Variants in VCP observed in about 807,000 individuals in gnomAD.
VCP encodes transitional endoplasmic reticulum ATPase.
VCP carries 6 observed loss-of-function variants against 85.7 expected under a neutral mutation model. The ratio of observed to expected loss-of-function variants is 0.07; its 90% confidence interval spans 0.04 to 0.14. The LOEUF (loss-of-function observed/expected upper bound fraction) is 0.14. VCP is among the 10% of genes least tolerant of loss of function. The probability of loss-of-function intolerance (pLI) is 1.00; values close to 1 mark genes in which losing one functional copy is unlikely to be tolerated. For synonymous variants in VCP, 384 were observed against 367.1 expected (o/e 1.05, Z -0.53); for missense variants, 353 against 1,043.4 (o/e 0.34, Z 9.12).
intron 10 of VCP, 150 bp downstream of exon 10, chr9:35,061,427 C>T (rs577663447): frequency 1.1e-6 from 1 of 921,372 alleles, no homozygotes; most frequent in Non-Finnish European, 1.7e-6. Context: ...TGCCAACTCC[C>T]ATTTCCTGGA....
chr9:35,064,178 G>T lies in VCP; in HGVS notation c.684C>A (p.Ala228=). 6.2e-7 allele frequency: 1 copy of T among 1,614,142 alleles called. No homozygotes were observed. The highest frequency in any genetic ancestry group is 8.5e-7 in the Non-Finnish European group (1 of 1,180,044). The change falls in exon 6 of 17, where the codon GCC becomes GCA. Residue 228 remains alanine (A), a synonymous_variant. Transcript: ENST00000358901. The stretch of plus-strand genomic sequence containing the variant: ...CCTTCACACCAATTGCCTTAAAGAG[G>T]GCAGGATGTCTCAGGGGCAGTTCCA... The part of the protein sequence containing the change: ...EMVELPLRHP[A]LFKAIGVKPP...
intron 15 of VCP, chr9:35,057,867 A>G (rs968436947): frequency 5.0e-6 from 2 of 399,700 alleles, no homozygotes; most frequent in African/African-American, 4.1e-5. Context: ...CACTTGTCAT[A>G]AAGCATGGAA....
At position 35,061,646 on chromosome 9, in the gene VCP, T is replaced by C; in HGVS notation, c.1125A>G (p.Thr375=). 6.2e-7 allele frequency: 1 copy of C among 1,614,200 alleles called. No homozygotes were observed. The change falls in exon 10 of 17, where the codon ACA becomes ACG. Residue 375 remains threonine, a synonymous_variant. Transcript: ENST00000358901. ...GGATCTGAAGAATCTCTAAGCGTCCTGTAGCATCAGGAATTCCAATATCTA... is the reference window on the plus strand; with the variant it reads ...GGATCTGAAGAATCTCTAAGCGTCCCGTAGCATCAGGAATTCCAATATCTA... ...REVDIGIPDA[T]GRLEILQIHT...
chr9:35,067,447 G>A (rs1054502374), intron 3 of VCP, among the ~76,000 whole-genome samples: 4 of 152,008 alleles, frequency 2.6e-5, no homozygotes, highest in East Asian at 1.9e-4. Flanking sequence ...GGTTAACTTA[G>A]GGGCTTAAAA....
At chr9:35,072,064 C>A (rs1370959263) in intron 1 of VCP, 2 of 1,270,996 alleles carry the variant, frequency 1.6e-6, no homozygotes, top group African/African-American at 1.6e-5. Context: ...GGGAGCCAAT[C>A]GGGCGGGCCG....
chr9:35,061,275 G>A, intron 10 of VCP, 96 bp from the exon 11 acceptor site: 2 of 1,537,624 alleles, frequency 1.3e-6, no homozygotes, highest in South Asian at 1.1e-5. Flanking sequence ...TGCTATCCCT[G>A]GGTCCTCTCA....
intron 11 of VCP, 36 bp downstream of exon 11, chr9:35,060,979 G>GTT: frequency 1.9e-6 from 3 of 1,614,172 alleles, no homozygotes; most frequent in Non-Finnish European, 2.5e-6. Flanking sequence ...GTCAAAGCAC[G>GTT]TATGTGTGTA....
At chr9:35,071,896 C>T (rs1563983031) in intron 1 of VCP, 3 of 999,730 alleles carry the variant, frequency 3.0e-6, no homozygotes, top group Non-Finnish European at 3.6e-6. Flanking sequence ...CCCACCGGGC[C>T]CGGCTGGGGC....
chr9:35,066,619 G>A, intron 4 of VCP, 56 bp downstream of exon 4: 1 of 1,570,124 alleles, frequency 6.4e-7, no homozygotes, highest in Non-Finnish European at 8.7e-7. Flanking sequence ...AGATAAAGAT[G>A]TTCCAAGGTT....
intron 1 of VCP, chr9:35,071,689 C>G (rs1485954836): frequency 1.9e-5 from 19 of 984,258 alleles, no homozygotes; most frequent in Non-Finnish European, 2.3e-5. Context: ...AGACCAGAAG[C>G]GAAAGGTAGG....
chr9:35,068,496 C>G, intron 1 of VCP, 134 bp from the exon 2 acceptor site: 1 of 813,844 alleles, frequency 1.2e-6, no homozygotes, highest in Non-Finnish European at 2.1e-6. Flanking sequence ...GAAGGAAAGG[C>G]AGCCAAGGTC....
At chr9:35,071,680 G>A (rs949108793) in intron 1 of VCP, 2 of 981,724 alleles carry the variant, frequency 2.0e-6, no homozygotes, top group African/African-American at 3.5e-5. Flanking sequence ...AAAGTAAGAA[G>A]ACCAGAAGCG....
At chr9:35,071,293 GTTTTTTTTTT>G (rs869178164) in intron 1 of VCP, among the ~76,000 whole-genome samples, 45 of 69,114 alleles carry the variant, frequency 6.5e-4, no homozygotes, top group African/African-American at 2.2e-3. Context: ...GGCTGGCTGT[GTTTTTTTTTT>G]TTTTTTTTTT....
chr9:35,067,560 T>G (rs1046739745), intron 3 of VCP, among the ~76,000 whole-genome samples: 13 of 152,196 alleles, frequency 8.5e-5, no homozygotes, highest in African/African-American at 3.1e-4. Context: ...AGGAGATTAT[T>G]TGGCATATAC....
chr9:35,060,333 C>T lies in VCP; in HGVS notation c.1675G>A (p.Val559Ile). 1 of 1,614,196 alleles carries T rather than the reference C, an allele frequency of 6.2e-7. No homozygotes were observed. The highest frequency in any genetic ancestry group is 8.5e-7 in the Non-Finnish European group (1 of 1,180,020). ...TMWFGESEAN[V>I]REIFDKARQA... ...CTCACCTTGTCAAAGATTTCTCTGA[C>T]ATTGGCCTCAGACTCCCCAAACCAC... The change falls in exon 13 of 17, where the codon GTC becomes ATC. Residue 559 changes from valine to isoleucine, a missense_variant. Coordinates refer to ENST00000358901, the MANE Select transcript of VCP (RefSeq NM_007126.5).
chr9:35,064,179 G>A lies in VCP; in HGVS notation c.683C>T (p.Ala228Val). 6.2e-7 allele frequency: 1 copy of A among 1,614,188 alleles called. No individual in the cohort carries two copies. Among genetic ancestry groups the A allele is most frequent in the South Asian group, 1.1e-5 (1 of 91,086 alleles). Reference sequence around the variant, plus strand: ...CTTCACACCAATTGCCTTAAAGAGGGCAGGATGTCTCAGGGGCAGTTCCAC... The same window carrying A: ...CTTCACACCAATTGCCTTAAAGAGGACAGGATGTCTCAGGGGCAGTTCCAC... ...EMVELPLRHP[A>V]LFKAIGVKPP... Residue 228 changes from alanine (A) to valine (V), a missense_variant, in exon 6 of 17, where the codon GCC becomes GTC. By Grantham distance (64) the Ala-to-Val change is moderately conservative. Transcript: ENST00000358901.
At chr9:35,058,759 T>C (rs1828661840) in intron 15 of VCP, among the ~76,000 whole-genome samples, 1 of 152,078 alleles carries the variant, frequency 6.6e-6, no homozygotes, top group Non-Finnish European at 1.5e-5. Context: ...AGAGTGAGAC[T>C]TCGTCTCAAA....
Position 35,070,769 on chromosome 9 carries a change from T to C in VCP, c.17+1568A>G, listed in dbSNP as rs1233219305. Reference sequence around the variant, plus strand: ...GTATTTTAATCTCAAAGCTGTATCCTAGGAAAACCTCCATTCTGCCTACCA... The same window carrying C: ...GTATTTTAATCTCAAAGCTGTATCCCAGGAAAACCTCCATTCTGCCTACCA... On this transcript the variant is annotated intron_variant, in intron 1 of 16. Coordinates refer to ENST00000358901, the MANE Select transcript of VCP (RefSeq NM_007126.5). 2.6e-5 allele frequency among the ~76,000 whole-genome samples: 4 copies of C among 152,306 alleles called. No homozygotes were observed. The East Asian group carries it at 7.7e-4, about 29-fold the overall frequency.
At position 35,068,000 on chromosome 9, in the gene VCP, G is replaced by A; in HGVS notation, c.193C>T (p.Arg65Ter). 1 of 1,614,188 alleles carries A rather than the reference G, an allele frequency of 6.2e-7. No individual in the cohort carries two copies. Among genetic ancestry groups the A allele is most frequent in the Non-Finnish European group, 8.5e-7 (1 of 1,180,042 alleles). The change falls in exon 3 of 17, where the codon CGA becomes TGA. Residue 65 changes from arginine to a stop codon, truncating the protein, a stop_gained. Transcript: ENST00000358901. LOFTEE classifies it high-confidence loss of function. The part of the protein sequence containing the change: ...DTVLLKGKKR[R>*]EAVCIVLSDD... ...GAAAGGACGATGCAAACAGCTTCTC[G>A]TCTCTTCTTTCCTTTCAGCAACACT...
Sources: allele counts gnomAD v4.1 joint callset (sites outside exome capture counted in the v4.1 genomes callset), GRCh38; gene constraint gnomAD v4.1.1; transcripts MANE v1.5; gene names NCBI Gene and HGNC (gene_info 2026-07-23, HGNC 2026-07-21).